FSD1L: variants seen among roughly 807,000 people sequenced by gnomAD.
FSD1L encodes FSD1-like protein.
FSD1L carries 45 observed loss-of-function variants against 71.6 expected under a neutral mutation model. The observed-to-expected ratio is 0.63, with a 90% CI of 0.49 to 0.81. FSD1L has a LOEUF of 0.81. Among genes scored for constraint, FSD1L ranks in the 30% least tolerant of loss-of-function variants. The pLI is 0.00. For synonymous variants in FSD1L, 197 were observed against 207.2 expected, an observed-to-expected ratio of 0.95 and a Z score of 0.42; for missense variants, 561 against 618.1, an observed-to-expected ratio of 0.91 and a Z score of 0.98.
upstream of FSD1L, among the ~76,000 whole-genome samples, chr9:105,447,534 T>C (rs1829696165): frequency 6.6e-6 from 1 of 152,038 alleles, no homozygotes; most frequent in Admixed American, 6.5e-5. Context: ...CGGGAAAAAC[T>C]GTGCCAGGCC....
chr9:105,521,289 A>G (rs2131418305), intron 10 of FSD1L: 1 of 1,614,240 alleles, frequency 6.2e-7, no homozygotes, highest in East Asian at 2.2e-5. Flanking sequence ...TTTAGTATCC[A>G]GAGAAGAAAG....
intron 3 of FSD1L, among the ~76,000 whole-genome samples, chr9:105,466,824 C>G (rs377198208): frequency 1.3e-5 from 2 of 152,092 alleles, no homozygotes; most frequent in South Asian, 4.1e-4. Flanking sequence ...CGAATCATCA[C>G]ATTTGGTATC....
At position 105,463,094 on chromosome 9, in the gene FSD1L, C is replaced by T. The variant is rs562542867; in HGVS notation, c.112-1142C>T. On this transcript the variant is annotated intron_variant, in intron 2 of 13. Coordinates refer to ENST00000481272, the MANE Select transcript of FSD1L (RefSeq NM_001145313.3). ...TGGAGGTTGCAGTGAGCCGAGATCA[C>T]GCCATTGCACTCCAACCTGGGAGAC... Among the ~76,000 whole-genome samples the T allele has an allele frequency of 2.2e-4, 34 of 151,510 alleles. No homozygotes were observed. In the South Asian group the frequency reaches 4.8e-3, roughly 21 times the overall value.
At chr9:105,508,848 G>C (rs1461412911) in intron 9 of FSD1L, 133 bp downstream of exon 9, 19 of 542,364 alleles carry the variant, frequency 3.5e-5, no homozygotes, top group Non-Finnish European at 4.8e-5. Flanking sequence ...TTTCTCAACA[G>C]TAAGAATTTT....
At chr9:105,515,359 C>A (rs906053204) in intron 10 of FSD1L, among the ~76,000 whole-genome samples, 1 of 152,164 alleles carries the variant, frequency 6.6e-6, no homozygotes, top group Non-Finnish European at 1.5e-5. Flanking sequence ...GCCAGGCATT[C>A]TTAGGAAGAA....
At chr9:105,520,476 C>CG (rs1835074585) in intron 10 of FSD1L, 1 of 1,061,768 alleles carries the variant, frequency 9.4e-7, no homozygotes, top group Non-Finnish European at 1.5e-6. Context: ...AGAAAGGTCA[C>CG]AAGTCTCAAA....
At chr9:105,537,735 T>A (rs1055424168) in intron 12 of FSD1L, among the ~76,000 whole-genome samples, 2 of 152,072 alleles carry the variant, frequency 1.3e-5, no homozygotes, top group Admixed American at 1.3e-4. Context: ...ATCGAAAGCA[T>A]AGCAAGCATA....
At chr9:105,445,940 A>C (rs1829632628), upstream of FSD1L, among the ~76,000 whole-genome samples, 1 of 152,182 alleles carries the variant, frequency 6.6e-6, no homozygotes, top group African/African-American at 2.4e-5. Flanking sequence ...CTGGCTCTCT[A>C]AGCACTACCC....
In FSD1L at chr9:105,550,712, C is replaced by T. The variant is rs10991684; in HGVS notation, c.*4229C>T. On this transcript the variant is annotated 3_prime_UTR_variant, in exon 14 of 14. Coordinates refer to ENST00000481272, the MANE Select transcript of FSD1L (RefSeq NM_001145313.3). ...ATTGAAAAGATATTGTTGGATATGC[C>T]ACATCAGAGTTAGCATTGACTTATA... is the stretch of plus-strand genomic sequence containing the variant. 6.6e-6 allele frequency: 1 copy of T among 151,930 alleles called. No homozygotes were observed. The highest frequency in any genetic ancestry group is 1.5e-5 in the Non-Finnish European group (1 of 67,914). 9.4% of individuals were successfully genotyped at this position (151,930 alleles called of 1,614,324 possible).
At chr9:105,480,506 G>T (rs561610696) in intron 6 of FSD1L, among the ~76,000 whole-genome samples, 40 of 152,246 alleles carry the variant, frequency 2.6e-4, no homozygotes, top group Non-Finnish European at 5.0e-4. Flanking sequence ...TGCCCAGGCT[G>T]GTCTGGAATG....
chr9:105,525,018 C>G, intron 10 of FSD1L: 3 of 1,569,284 alleles, frequency 1.9e-6, no homozygotes, highest in Non-Finnish European at 2.6e-6. Context: ...GCTGGCCTTG[C>G]ATCAGCCAAT....
chr9:105,503,933 G>T (rs1833910083), intron 7 of FSD1L, among the ~76,000 whole-genome samples: 1 of 151,948 alleles, frequency 6.6e-6, no homozygotes, highest in African/African-American at 2.4e-5. Flanking sequence ...TTCTTTTGGG[G>T]ACCATTATTC....
intron 13 of FSD1L, 64 bp from the exon 14 acceptor site, chr9:105,546,294 A>C (rs1836999395): frequency 1.4e-6 from 2 of 1,458,116 alleles, no homozygotes; most frequent in Non-Finnish European, 1.8e-6. Flanking sequence ...TGAAATGGAA[A>C]TTTAAAAATC....
At chr9:105,482,604 C>T (rs559693957) in intron 6 of FSD1L, among the ~76,000 whole-genome samples, 13 of 152,242 alleles carry the variant, frequency 8.5e-5, no homozygotes, top group Non-Finnish European at 1.0e-4. Context: ...CTTTGAGGCA[C>T]ATGTCTAAAT....
intron 10 of FSD1L, chr9:105,524,774 C>A (rs1835403137): frequency 6.2e-7 from 1 of 1,603,790 alleles, no homozygotes; most frequent in Non-Finnish European, 8.5e-7. Flanking sequence ...TAGCAGCCCG[C>A]ACTGTTATTA....
intron 13 of FSD1L, among the ~76,000 whole-genome samples, chr9:105,542,331 T>C (rs1836680096): frequency 6.6e-6 from 1 of 152,264 alleles, no homozygotes; most frequent in South Asian, 2.1e-4. Flanking sequence ...ATTGTGTTTT[T>C]ATTTGTAGTT....
intron 6 of FSD1L, among the ~76,000 whole-genome samples, 182 bp from the exon 7 acceptor site, chr9:105,484,199 A>G (rs761729344): frequency 1.3e-5 from 2 of 152,178 alleles, no homozygotes; most frequent in Non-Finnish European, 2.9e-5. Flanking sequence ...TTAAAAAGAC[A>G]TTTTGTAGTT....
At chr9:105,446,100 GC>G (rs930219226), upstream of FSD1L, among the ~76,000 whole-genome samples, 1 of 138,294 alleles carries the variant, frequency 7.2e-6, no homozygotes, top group Non-Finnish European at 1.6e-5. Flanking sequence ...AAGAAATTCA[GC>G]CCTCAAAAAA....
At chr9:105,514,060 T>TA (rs1277379009) in intron 10 of FSD1L, among the ~76,000 whole-genome samples, 1 of 152,180 alleles carries the variant, frequency 6.6e-6, no homozygotes, top group Non-Finnish European at 1.5e-5. Context: ...GCAACAAGGA[T>TA]AAAAAATAAA....
Sources: gnomAD v4.1 joint callset for allele counts (sites outside exome capture counted in the v4.1 genomes callset) on GRCh38, gnomAD v4.1.1 for gene constraint, MANE v1.5 for transcripts, NCBI Gene and HGNC (gene_info 2026-07-23, HGNC 2026-07-21) for gene names.